The following SRGAP2B variants were observed in gnomAD, a reference collection of about 807,000 sequenced individuals.
The protein encoded by SRGAP2B is SLIT-ROBO Rho GTPase activating protein 2B.
SRGAP2B carries 9 observed loss-of-function variants against 22.2 expected under a neutral mutation model. The ratio of observed to expected loss-of-function variants is 0.41; its 90% CI spans 0.24 to 0.71. The LOEUF (loss-of-function observed/expected upper bound fraction) is 0.71. SRGAP2B is among the 30% of genes least tolerant of loss of function. The probability of loss-of-function intolerance (pLI) is 0.35; values close to 1 mark genes in which losing one functional copy is unlikely to be tolerated. For missense variants in SRGAP2B, 114 were observed against 235.8 expected, an observed-to-expected ratio of 0.48 and a Z score of 3.38; for synonymous variants, 36 against 87.4, an observed-to-expected ratio of 0.41 and a Z score of 3.28.
chr1:144,905,035 G>T lies in SRGAP2B; in HGVS notation c.831+56C>A. 9 of 718,280 alleles carry T rather than the reference G, an allele frequency of 1.3e-5. 1 individual carries two copies. The highest frequency in any genetic ancestry group is 1.2e-4 in the South Asian group (8 of 67,590). 44.5% of individuals were successfully genotyped at this position (718,280 alleles called of 1,614,324 possible). A position where few individuals can be genotyped will look rare whatever the true frequency, so the allele number is the denominator to read the frequency against. ...ACAATAGTATCAGGGAATGTCTGAC[G>T]AGTATTCTGAAACCAGAAAAGAGGT... On this transcript the variant is annotated intron_variant, in intron 7 of 9. Transcript: ENST00000612199.
chr1:144,956,059 G>T (rs587703501), intron 3 of SRGAP2B, among the ~76,000 whole-genome samples: 1 of 149,374 alleles, frequency 6.7e-6, no homozygotes, highest in Non-Finnish European at 1.5e-5. Flanking sequence ...CAACAGTTCT[G>T]CATTGTCTGG....
At chr1:145,030,098 T>C (rs1199479904) in intron 2 of SRGAP2B, among the ~76,000 whole-genome samples, 2 of 149,812 alleles carry the variant, frequency 1.3e-5, no homozygotes, top group East Asian at 1.9e-4. Flanking sequence ...TTTTATAATG[T>C]CCTTAGCCCC....
chr1:144,944,498 G>T lies in SRGAP2B; in HGVS notation c.423+10941C>A, dbSNP rs781953163. 1.1e-3 allele frequency among the ~76,000 whole-genome samples: 143 copies of T among 134,558 alleles called. 1 individual carries two copies. The highest frequency in any genetic ancestry group is 1.7e-3 in the Non-Finnish European group (111 of 65,662). The allele number at this position is 134,558 out of a possible 152,430, so 88.3% of individuals were successfully genotyped here. A position where few individuals can be genotyped will look rare whatever the true frequency, so the allele number is the denominator to read the frequency against. On this transcript the variant is annotated intron_variant, in intron 4 of 9. Coordinates refer to ENST00000612199, the Ensembl canonical transcript of SRGAP2B. ...GACACATGAGAAGCTGAGGTGGGAG[G>T]ATCACTTGAGCCCAGGAGTCTGAGG...
At chr1:144,941,029 G>A (rs1352924215) in intron 4 of SRGAP2B, among the ~76,000 whole-genome samples, 2 of 149,146 alleles carry the variant, frequency 1.3e-5, no homozygotes, top group African/African-American at 5.0e-5. Flanking sequence ...AAAAAAGATT[G>A]GAAGGAAATA....
chr1:145,089,057 G>A (rs1414597302), intron 2 of SRGAP2B, among the ~76,000 whole-genome samples: 1 of 151,244 alleles, frequency 6.6e-6, no homozygotes, highest in African/African-American at 2.4e-5. Flanking sequence ...GTATACAGAA[G>A]GATGTGTGTA....
chr1:144,904,461 ATCACCTGAGGTCAGG>A (rs1662836971), intron 7 of SRGAP2B, among the ~76,000 whole-genome samples: 1 of 68,570 alleles, frequency 1.5e-5, no homozygotes, highest in Non-Finnish European at 2.8e-5. Context: ...AGGCAGGTGG[ATCACCTGAGGTCAGG>A]TCACCTGAGG....
At chr1:144,970,515 G>A (rs1166677759) in intron 3 of SRGAP2B, among the ~76,000 whole-genome samples, 12 of 99,872 alleles carry the variant, frequency 1.2e-4, no homozygotes, top group Non-Finnish European at 1.2e-4. Flanking sequence ...GGGGAGGGGG[G>A]AGGGATAGCA....
chr1:145,044,692 A>G, intron 2 of SRGAP2B, among the ~76,000 whole-genome samples: 1 of 138,092 alleles, frequency 7.2e-6, no homozygotes, highest in Non-Finnish European at 1.6e-5. Context: ...AAAAAAAAAA[A>G]AAAAAAAACA....
intron 4 of SRGAP2B, among the ~76,000 whole-genome samples, chr1:144,931,517 T>A (rs2580481): frequency 0.013 from 1,926 of 148,834 alleles, 78 homozygotes; most frequent in African/African-American, 0.047. Flanking sequence ...TCAGATATAT[T>A]CTGCAGAAAA....
At chr1:144,932,336 CTT>C (rs1164782109) in intron 4 of SRGAP2B, among the ~76,000 whole-genome samples, 5 of 150,994 alleles carry the variant, frequency 3.3e-5, no homozygotes, top group Non-Finnish European at 5.9e-5. Context: ...TCAAAACACC[CTT>C]TGTGTCACTG....
chr1:145,039,407 C>T (rs1191259141), intron 2 of SRGAP2B, among the ~76,000 whole-genome samples: 4 of 111,800 alleles, frequency 3.6e-5, no homozygotes, highest in Non-Finnish European at 5.5e-5. Flanking sequence ...CCCAGAAGGT[C>T]GAGGCTGCAG....
chr1:145,012,130 T>A (rs1204449419), intron 2 of SRGAP2B, among the ~76,000 whole-genome samples: 1 of 148,528 alleles, frequency 6.7e-6, no homozygotes. Context: ...TACCTCATTT[T>A]AATTTTTCTT....
At chr1:144,990,578 C>A (rs797039866) in intron 3 of SRGAP2B, among the ~76,000 whole-genome samples, 5 of 137,622 alleles carry the variant, frequency 3.6e-5, no homozygotes, top group African/African-American at 1.5e-4. Context: ...CTCCCCCCTG[C>A]ACTGTGGGAG....
rs587650690 is a variant in SRGAP2B at position 144,927,144 on chromosome 1, GT to G, written c.424-12391del. 8.9e-3 allele frequency among the ~76,000 whole-genome samples: 1,324 copies of G among 149,022 alleles called. 29 individuals are homozygous for G. The highest frequency in any genetic ancestry group is 0.032 in the African/African-American group (1,248 of 39,564). ...TTTTTGTATTTTTAGTAGAGATGGG[GT>G]TTCACCATGTTATCCAGGATGGTCT... On this transcript the variant is annotated intron_variant, in intron 4 of 9. Coordinates refer to ENST00000612199, the Ensembl canonical transcript of SRGAP2B.
chr1:144,971,613 T>C (rs1287718131), intron 3 of SRGAP2B, among the ~76,000 whole-genome samples: 1 of 150,920 alleles, frequency 6.6e-6, no homozygotes, highest in Non-Finnish European at 1.5e-5. Context: ...ATTTTATTGC[T>C]ATTAATTTAT....
intron 3 of SRGAP2B, among the ~76,000 whole-genome samples, chr1:144,994,783 A>G (rs1170521628): frequency 1.3e-5 from 2 of 150,194 alleles, no homozygotes; most frequent in African/African-American, 5.0e-5. Context: ...GCTATAAACA[A>G]GTTTGCTGTT....
intron 2 of SRGAP2B, among the ~76,000 whole-genome samples, chr1:145,017,432 T>C (rs1454304516): frequency 2.0e-5 from 3 of 147,258 alleles, no homozygotes; most frequent in South Asian, 4.2e-4. Flanking sequence ...CCTGATTCCC[T>C]TGGAAATTTC....
At chr1:144,988,105 A>T (rs1669882069) in intron 3 of SRGAP2B, among the ~76,000 whole-genome samples, 1 of 141,252 alleles carries the variant, frequency 7.1e-6, no homozygotes, top group Non-Finnish European at 1.5e-5. Flanking sequence ...TACCTACCCC[A>T]CATAAAACTG....
At chr1:144,963,761 C>G (rs1432773635) in intron 3 of SRGAP2B, among the ~76,000 whole-genome samples, 16 of 152,268 alleles carry the variant, frequency 1.1e-4, no homozygotes, top group African/African-American at 3.9e-4. Context: ...CAGAAATCCA[C>G]ACACTTATCA....
Sources: allele counts gnomAD v4.1 joint callset (sites outside exome capture counted in the v4.1 genomes callset), GRCh38; gene constraint gnomAD v4.1.1; transcripts MANE v1.5; gene names NCBI Gene and HGNC (gene_info 2026-07-23, HGNC 2026-07-21).